The following ERAP1 variants were observed in gnomAD, a reference collection of about 807,000 sequenced individuals.
ERAP1 encodes adipocyte-derived leucine aminopeptidase.
A neutral mutation model predicts 103.7 loss-of-function variants in ERAP1; 86 were observed. The observed-to-expected ratio is 0.83, with a 90% CI of 0.70 to 0.99. The LOEUF is 0.99. Ranked by LOEUF, ERAP1 falls within the 50% of genes least tolerant of loss-of-function variation. ERAP1 has a pLI of 0.00. For missense variants in ERAP1, 1,009 were observed against 1,128.4 expected (o/e 0.89, Z 1.52); for synonymous variants, 398 against 402.4 (o/e 0.99, Z 0.13).
chr5:96,787,401 G>T (rs1271044443), intron 11 of ERAP1, among the ~76,000 whole-genome samples: 1 of 152,060 alleles, frequency 6.6e-6, no homozygotes, highest in Non-Finnish European at 1.5e-5. Context: ...GAGTAGCTGG[G>T]ACTACAGGCG....
the ERAP1 span, among the ~76,000 whole-genome samples, chr5:96,910,700 T>C: frequency 6.6e-6 from 1 of 152,234 alleles, no homozygotes; most frequent in Non-Finnish European, 1.5e-5. Flanking sequence ...GGTAAACTTA[T>C]TTATGCTCAC....
the ERAP1 span, among the ~76,000 whole-genome samples, chr5:96,833,601 A>G: frequency 6.6e-6 from 1 of 152,130 alleles, no homozygotes; most frequent in Admixed American, 6.5e-5. Context: ...AAATAAATAG[A>G]ATTTAGTCAC....
the ERAP1 span, among the ~76,000 whole-genome samples, chr5:96,849,963 T>C: frequency 3.9e-5 from 6 of 152,260 alleles, no homozygotes; most frequent in East Asian, 1.2e-3. Context: ...CGTGCATGTA[T>C]AGTCAGTTGA....
Position 96,790,656 on chromosome 5 carries a change from T to G in ERAP1, c.1321-13A>C, listed in dbSNP as rs926828947. 8.8e-6 allele frequency: 14 copies of G among 1,598,990 alleles called. No individual in the cohort carries two copies. Among genetic ancestry groups the G allele is most frequent in the Non-Finnish European group, 1.2e-5 (14 of 1,166,344 alleles). ...GAATACAAGCTCCCTGAAAAGATAA[T>G]AGAAATAATTGTTATCTATAGTTTC... On this transcript the variant is annotated splice_polypyrimidine_tract_variant and intron_variant, in intron 8 of 18. Transcript: ENST00000443439.
At chr5:96,793,780 T>G in intron 6 of ERAP1, 23 bp downstream of exon 6, 1 of 1,597,504 alleles carries the variant, frequency 6.3e-7, no homozygotes, top group South Asian at 1.1e-5. Context: ...TATACTTTAT[T>G]AAAAGTGTGA....
chr5:96,842,872 A>G, the ERAP1 span, among the ~76,000 whole-genome samples: 235 of 152,008 alleles, frequency 1.5e-3, 1 homozygote, highest in Admixed American at 0.013. Context: ...GTCTAGAAGG[A>G]TTTTTTTTCC....
chr5:96,768,042 G>A lies in ERAP1; in HGVS notation c.2819-4814C>T, dbSNP rs1770650669. 2.5e-6 allele frequency: 3 copies of A among 1,204,476 alleles called. No homozygotes were observed. Among genetic ancestry groups the A allele is most frequent in the Non-Finnish European group, 3.7e-6 (3 of 806,724 alleles). 74.6% of individuals were successfully genotyped at this position (1,204,476 alleles called of 1,614,324 possible). A position where few individuals can be genotyped will look rare whatever the true frequency, so the allele number is the denominator to read the frequency against. On this transcript the variant is annotated intron_variant, in intron 19 of 19. Coordinates refer to the ERAP1 transcript ENST00000296754. ...ATTTCACTCTTTGAAATGTGTGTGT[G>A]TGTATGTGTACATACATATAAGTTT...
the ERAP1 span, chr5:96,879,631 T>G: frequency 6.8e-7 from 1 of 1,470,440 alleles, no homozygotes; most frequent in Non-Finnish European, 9.4e-7. Context: ...TGCAGTGCCA[T>G]GAAGAACTAC....
the ERAP1 span, among the ~76,000 whole-genome samples, chr5:96,838,420 T>TC: frequency 1.7e-4 from 26 of 152,072 alleles, 1 homozygote; most frequent in Admixed American, 1.4e-3. Context: ...AGGCTTTCTT[T>TC]CCCCCCAGTT....
At chr5:96,911,165 A>C in the ERAP1 span, among the ~76,000 whole-genome samples, 1 of 152,200 alleles carries the variant, frequency 6.6e-6, no homozygotes, top group African/African-American at 2.4e-5. Flanking sequence ...AACTTTTCTG[A>C]GATTTATTTC....
chr5:96,818,952 G>A, the ERAP1 span, among the ~76,000 whole-genome samples: 6 of 150,228 alleles, frequency 4.0e-5, no homozygotes, highest in South Asian at 2.1e-4. Context: ...TTGAGACGGC[G>A]TCTCGCTCTG....
At chr5:96,792,003 C>A (rs1280581522) in intron 8 of ERAP1, 58 bp downstream of exon 8, 8 of 1,594,948 alleles carry the variant, frequency 5.0e-6, no homozygotes, top group Non-Finnish European at 6.9e-6. Context: ...AACTTCTCCA[C>A]CCCAGTATGT....
In ERAP1 at chr5:96,783,250, C is replaced by A; in HGVS notation, c.2101-15G>T. 2 of 1,600,676 alleles carry A rather than the reference C, an allele frequency of 1.2e-6. No homozygotes were observed. Among genetic ancestry groups the A allele is most frequent in the Non-Finnish European group, 1.7e-6 (2 of 1,170,828 alleles). ...ATGAGGAAGGCCTGAGGGCGTTGTACAGGGAAACAGGGACCAGTATTGTCA... is the reference window on the plus strand; with the variant it reads ...ATGAGGAAGGCCTGAGGGCGTTGTAAAGGGAAACAGGGACCAGTATTGTCA... On this transcript the variant is annotated splice_polypyrimidine_tract_variant and intron_variant, in intron 14 of 18. Coordinates refer to ENST00000443439, the MANE Select transcript of ERAP1 (RefSeq NM_001040458.3).
chr5:96,763,083 G>T, exon 20 of ERAP1: 1 of 772,654 alleles, frequency 1.3e-6, no homozygotes, highest in South Asian at 1.4e-5. Flanking sequence ...GTTGAGAACA[G>T]TGCCTCATTT....
the ERAP1 span, among the ~76,000 whole-genome samples, chr5:96,861,093 C>T: frequency 6.6e-6 from 1 of 152,092 alleles, no homozygotes; most frequent in African/African-American, 2.4e-5. Context: ...TCTGTTTCTA[C>T]AGCCTTCCTG....
Position 96,775,984 on chromosome 5 carries a change from G to A in ERAP1, c.*412C>T, listed in dbSNP as rs943016092. 8.4e-6 allele frequency: 9 copies of A among 1,077,150 alleles called. No homozygotes were observed. The East Asian group carries it at 6.0e-4, about 72-fold the overall frequency. 66.7% of individuals were successfully genotyped at this position (1,077,150 alleles called of 1,614,324 possible). A position where few individuals can be genotyped will look rare whatever the true frequency, so the allele number is the denominator to read the frequency against. The stretch of plus-strand genomic sequence containing the variant: ...AGAGCTTTAACCCAGTCATCGTCCG[G>A]CTTAGTCTCAGATCCAGGTGTTCAT... On this transcript the variant is annotated 3_prime_UTR_variant, in exon 19 of 19. Transcript: ENST00000443439.
chr5:96,875,172 A>C, the ERAP1 span, among the ~76,000 whole-genome samples: 7 of 152,200 alleles, frequency 4.6e-5, no homozygotes, highest in Non-Finnish European at 7.3e-5. Flanking sequence ...ATTGTGAGGA[A>C]GGATGAGGAC....
the ERAP1 span, among the ~76,000 whole-genome samples, chr5:96,813,415 G>A: frequency 6.6e-6 from 1 of 152,222 alleles, no homozygotes; most frequent in South Asian, 2.1e-4. Context: ...AGCACTTTGG[G>A]AGGCCAAGGC....
At chr5:96,769,979 T>A (rs1490938035), downstream of ERAP1, 1 of 152,374 alleles carries the variant, frequency 6.6e-6, no homozygotes, top group African/African-American at 2.4e-5. Context: ...CATCAACAAC[T>A]AGGTTGTTCC....
Sources: allele counts gnomAD v4.1 joint callset (sites outside exome capture counted in the v4.1 genomes callset), GRCh38; gene constraint gnomAD v4.1.1; transcripts MANE v1.5; gene names NCBI Gene and HGNC (gene_info 2026-07-23, HGNC 2026-07-21).